The following PLCB4 variants were observed in gnomAD, a reference collection of about 807,000 sequenced individuals.
The protein encoded by PLCB4 is 1-phosphatidylinositol 4,5-bisphosphate phosphodiesterase beta-4.
In PLCB4, 77 loss-of-function variants were observed where a neutral mutation model predicts 178.8. That is an observed-to-expected ratio of 0.43 (90% CI 0.36 to 0.52). The LOEUF (loss-of-function observed/expected upper bound fraction) is 0.52, where lower values mean the gene tolerates loss of function less well. PLCB4 is among the 20% of genes least tolerant of loss of function. The probability of loss-of-function intolerance (pLI) is 0.00; values close to 1 mark genes in which losing one functional copy is unlikely to be tolerated. For missense variants in PLCB4, 1,024 were observed against 1,453.4 expected, an observed-to-expected ratio of 0.70 and a Z score of 4.80; for synonymous variants, 496 against 490.8, an observed-to-expected ratio of 1.01 and a Z score of -0.14.
intron 2 of PLCB4, among the ~76,000 whole-genome samples, chr20:9,210,462 C>T (rs1019432185): frequency 3.3e-5 from 5 of 151,948 alleles, no homozygotes; most frequent in Non-Finnish European, 7.4e-5. Flanking sequence ...TCACTTGGGT[C>T]GGTGAGAGGA....
intron 2 of PLCB4, among the ~76,000 whole-genome samples, chr20:9,200,761 C>G (rs1241735689): frequency 3.3e-5 from 5 of 152,116 alleles, no homozygotes; most frequent in Admixed American, 2.6e-4. Flanking sequence ...CTTCTTGAGG[C>G]TGACTCACTC....
intron 1 of PLCB4, among the ~76,000 whole-genome samples, chr20:9,090,094 C>A (rs991117978): frequency 5.3e-5 from 8 of 152,066 alleles, no homozygotes; most frequent in Non-Finnish European, 1.0e-4. Context: ...GTATCTTCTT[C>A]CCATTTCTTT....
intron 1 of PLCB4, among the ~76,000 whole-genome samples, chr20:9,086,473 C>T (rs1721075138): frequency 6.6e-6 from 1 of 151,976 alleles, no homozygotes; most frequent in South Asian, 2.1e-4. Flanking sequence ...CCTCGTCCTC[C>T]TTATCATCAT....
At chr20:9,251,405 A>C (rs2147484513) in intron 3 of PLCB4, among the ~76,000 whole-genome samples, 1 of 152,326 alleles carries the variant, frequency 6.6e-6, no homozygotes, top group East Asian at 1.9e-4. Context: ...GTAACATTTA[A>C]AAAGCACTGA....
At chr20:9,207,144 A>G (rs1392974850) in intron 2 of PLCB4, among the ~76,000 whole-genome samples, 1 of 152,144 alleles carries the variant, frequency 6.6e-6, no homozygotes, top group Non-Finnish European at 1.5e-5. Context: ...CCAAAAACCA[A>G]TACCCAAAAC....
At chr20:9,107,226 G>A (rs1174151694) in intron 2 of PLCB4, among the ~76,000 whole-genome samples, 2 of 152,172 alleles carry the variant, frequency 1.3e-5, no homozygotes, top group Non-Finnish European at 2.9e-5. Context: ...ATACTCTTAT[G>A]TCTGTTGTGG....
At chr20:9,174,030 T>C (rs1436153658) in intron 2 of PLCB4, among the ~76,000 whole-genome samples, 1 of 152,212 alleles carries the variant, frequency 6.6e-6, no homozygotes, top group East Asian at 1.9e-4. Flanking sequence ...CGTATCTAGG[T>C]ATATCTTATT....
intron 2 of PLCB4, among the ~76,000 whole-genome samples, chr20:9,160,938 A>C (rs2092878177): frequency 6.6e-6 from 1 of 152,192 alleles, no homozygotes; most frequent in South Asian, 2.1e-4. Flanking sequence ...AGAGAGGAGA[A>C]GTGCTTCCAA....
At chr20:9,139,832 C>G (rs986995) in intron 2 of PLCB4, among the ~76,000 whole-genome samples, 21,658 of 152,024 alleles carry the variant, frequency 0.14, 1,632 homozygotes, top group Middle Eastern at 0.19. Flanking sequence ...AGTTCAAATG[C>G]TCCCAAGGGA....
chr20:9,190,285 G>A (rs1158752833), intron 2 of PLCB4, among the ~76,000 whole-genome samples: 1 of 152,090 alleles, frequency 6.6e-6, no homozygotes, highest in Non-Finnish European at 1.5e-5. Flanking sequence ...ACGTGTCAAG[G>A]GAGGGAGGTG....
At chr20:9,198,507 G>T (rs1380746160) in intron 2 of PLCB4, among the ~76,000 whole-genome samples, 1 of 152,172 alleles carries the variant, frequency 6.6e-6, no homozygotes, top group African/African-American at 2.4e-5. Flanking sequence ...AAAGGGAATT[G>T]CAGTCCTATT....
chr20:9,328,753 G>A (rs368275883), intron 4 of PLCB4, among the ~76,000 whole-genome samples: 28 of 152,322 alleles, frequency 1.8e-4, no homozygotes, highest in South Asian at 1.4e-3. Flanking sequence ...GTGAAGCAGC[G>A]TTGTTTGTCT....
chr20:9,425,506 CA>C (rs1259820876), intron 28 of PLCB4, among the ~76,000 whole-genome samples: 2 of 152,196 alleles, frequency 1.3e-5, no homozygotes, highest in African/African-American at 4.8e-5. Context: ...TAAAGAGATC[CA>C]AAAGCATGAA....
intron 4 of PLCB4, among the ~76,000 whole-genome samples, chr20:9,329,902 G>A (rs1445344336): frequency 1.3e-5 from 2 of 152,118 alleles, no homozygotes; most frequent in Non-Finnish European, 2.9e-5. Flanking sequence ...AAGCTCATGA[G>A]GGTAAAAGCA....
intron 2 of PLCB4, among the ~76,000 whole-genome samples, chr20:9,180,626 T>A (rs892953246): frequency 3.3e-5 from 5 of 152,318 alleles, no homozygotes; most frequent in South Asian, 4.1e-4. Context: ...GGTGGGACTC[T>A]TGCTAAGCTG....
At chr20:9,129,162 C>T (rs978909784) in intron 2 of PLCB4, among the ~76,000 whole-genome samples, 3 of 152,156 alleles carry the variant, frequency 2.0e-5, no homozygotes, top group African/African-American at 7.2e-5. Context: ...CACATCCCTG[C>T]TTTGGTACTT....
chr20:9,171,638 G>A (rs2093065813), intron 2 of PLCB4, among the ~76,000 whole-genome samples: 1 of 152,150 alleles, frequency 6.6e-6, no homozygotes, highest in Admixed American at 6.6e-5. Context: ...ATAACTCAGA[G>A]AGCCATGTTT....
At chr20:9,255,781 A>T (rs772141778) in intron 3 of PLCB4, among the ~76,000 whole-genome samples, 1 of 152,126 alleles carries the variant, frequency 6.6e-6, no homozygotes, top group Non-Finnish European at 1.5e-5. Flanking sequence ...GAAAGCAGAC[A>T]TAGATAGTAC....
intron 2 of PLCB4, among the ~76,000 whole-genome samples, chr20:9,145,429 C>G (rs943197158): frequency 2.6e-5 from 4 of 151,912 alleles, no homozygotes; most frequent in African/African-American, 9.7e-5. Flanking sequence ...GACAAGTGCT[C>G]TCACATCAAA....
Sources: gnomAD v4.1 joint callset for allele counts (sites outside exome capture counted in the v4.1 genomes callset) on GRCh38, gnomAD v4.1.1 for gene constraint, MANE v1.5 for transcripts, NCBI Gene and HGNC (gene_info 2026-07-23, HGNC 2026-07-21) for gene names.